Variants in AGBL4 observed in about 807,000 individuals in gnomAD.
The protein encoded by AGBL4 is cytosolic carboxypeptidase 6.
Under a neutral mutation model 66.4 loss-of-function variants are expected in AGBL4, and 58 were observed. The ratio of observed to expected loss-of-function variants is 0.87; its 90% CI spans 0.71 to 1.09. The LOEUF (loss-of-function observed/expected upper bound fraction) is 1.09. AGBL4 is among the 50% of genes least tolerant of loss of function. The pLI, the probability that AGBL4 is intolerant of heterozygous loss-of-function variation, is 0.00. For synonymous variants in AGBL4, 234 were observed against 222.9 expected (o/e 1.05, Z -0.44); for missense variants, 579 against 631.0 (o/e 0.92, Z 0.88).
At chr1:49,735,296 G>GGTGGGTGT (rs1553254327) in intron 2 of AGBL4, among the ~76,000 whole-genome samples, 4 of 127,312 alleles carry the variant, frequency 3.1e-5, no homozygotes, top group African/African-American at 1.3e-4. Context: ...GAGGTGTGTG[G>GGTGGGTGT]GTGTGTGTGT....
chr1:48,543,788 A>G (rs1292007370), intron 11 of AGBL4, among the ~76,000 whole-genome samples: 1 of 152,202 alleles, frequency 6.6e-6, no homozygotes, highest in Non-Finnish European at 1.5e-5. Context: ...CGGAGCACCT[A>G]CTATGTGCCA....
intron 3 of AGBL4, among the ~76,000 whole-genome samples, chr1:49,679,066 T>C (rs1372241019): frequency 6.6e-6 from 1 of 152,172 alleles, no homozygotes; most frequent in East Asian, 1.9e-4. Context: ...TGTGGGTTGA[T>C]GGTACTCTTA....
At chr1:49,376,380 A>C (rs1168839222) in intron 3 of AGBL4, among the ~76,000 whole-genome samples, 1 of 152,008 alleles carries the variant, frequency 6.6e-6, no homozygotes, top group Non-Finnish European at 1.5e-5. Flanking sequence ...TGGCCAATGA[A>C]AAGCACTGGT....
chr1:49,583,683 C>T (rs779773794), intron 3 of AGBL4, among the ~76,000 whole-genome samples: 38 of 151,932 alleles, frequency 2.5e-4, no homozygotes, highest in African/African-American at 5.1e-4. Flanking sequence ...TGGAAAACAG[C>T]GACACATTTG....
chr1:49,507,078 G>T (rs1352705893), intron 3 of AGBL4, among the ~76,000 whole-genome samples: 3 of 151,976 alleles, frequency 2.0e-5, no homozygotes, highest in South Asian at 2.1e-4. Flanking sequence ...CTTCCATTCT[G>T]CATTCTTGGG....
At chr1:49,732,898 G>T (rs1396519678) in intron 2 of AGBL4, among the ~76,000 whole-genome samples, 1 of 152,020 alleles carries the variant, frequency 6.6e-6, no homozygotes, top group East Asian at 1.9e-4. Flanking sequence ...TGAATCTACA[G>T]ATCCAGGATT....
intron 4 of AGBL4, among the ~76,000 whole-genome samples, chr1:49,154,058 A>G (rs908615325): frequency 6.6e-5 from 10 of 152,126 alleles, no homozygotes; most frequent in African/African-American, 1.4e-4. Context: ...TCTTTCCACT[A>G]CAATAGTGGA....
intron 11 of AGBL4, among the ~76,000 whole-genome samples, chr1:48,563,502 G>C (rs1332357909): frequency 1.3e-5 from 2 of 152,076 alleles, no homozygotes; most frequent in African/African-American, 4.8e-5. Flanking sequence ...AATGGAGTGA[G>C]GGGGTCTGAG....
At chr1:49,058,524 T>C (rs1644346166) in intron 4 of AGBL4, among the ~76,000 whole-genome samples, 1 of 152,346 alleles carries the variant, frequency 6.6e-6, no homozygotes, top group East Asian at 1.9e-4. Flanking sequence ...ACCTCTTTTA[T>C]AAATTACCCA....
intron 9 of AGBL4, among the ~76,000 whole-genome samples, chr1:48,608,914 T>A (rs1390224108): frequency 1.3e-5 from 2 of 152,198 alleles, no homozygotes; most frequent in Non-Finnish European, 2.9e-5. Context: ...TAAAAAGATT[T>A]GCATGCAATA....
chr1:49,462,242 A>G (rs191387395), intron 3 of AGBL4, among the ~76,000 whole-genome samples: 1 of 151,948 alleles, frequency 6.6e-6, no homozygotes, highest in Admixed American at 6.6e-5. Context: ...ACTGCCTGGT[A>G]GGTAGCATGT....
intron 2 of AGBL4, among the ~76,000 whole-genome samples, chr1:49,735,346 G>A (rs775190483): frequency 3.3e-4 from 49 of 150,362 alleles, no homozygotes; most frequent in Non-Finnish European, 6.7e-4. Context: ...GAGAGAGAGA[G>A]ACAGATTTTA....
chr1:49,573,334 AC>A (rs756835472), intron 3 of AGBL4, among the ~76,000 whole-genome samples: 1 of 152,084 alleles, frequency 6.6e-6, no homozygotes, highest in Non-Finnish European at 1.5e-5. Flanking sequence ...ATGGTTAGAC[AC>A]AAAAATGCTA....
intron 1 of AGBL4, among the ~76,000 whole-genome samples, chr1:49,964,562 C>T (rs887168109): frequency 1.3e-5 from 2 of 151,924 alleles, no homozygotes; most frequent in Admixed American, 6.6e-5. Context: ...ATATAAGAGT[C>T]CAACCACTCT....
chr1:49,853,627 A>C (rs1040332117), intron 1 of AGBL4, among the ~76,000 whole-genome samples: 10 of 152,080 alleles, frequency 6.6e-5, no homozygotes, highest in African/African-American at 2.4e-4. Flanking sequence ...AAAGATATTG[A>C]GGTACAAATC....
intron 8 of AGBL4, among the ~76,000 whole-genome samples, chr1:48,641,448 T>G (rs996740418): frequency 6.6e-6 from 1 of 152,114 alleles, no homozygotes; most frequent in Non-Finnish European, 1.5e-5. Flanking sequence ...TAGATCATCA[T>G]GACGAGGAGA....
intron 5 of AGBL4, among the ~76,000 whole-genome samples, chr1:48,958,060 G>A (rs532971159): frequency 5.9e-5 from 9 of 151,560 alleles, no homozygotes; most frequent in East Asian, 1.9e-4. Flanking sequence ...GGGTTTCACC[G>A]CGTTACCCAG....
At chr1:49,740,309 G>C (rs950823609) in intron 2 of AGBL4, among the ~76,000 whole-genome samples, 1 of 152,080 alleles carries the variant, frequency 6.6e-6, no homozygotes, top group Admixed American at 6.6e-5. Flanking sequence ...AAGAAGGCCA[G>C]TACATAATGG....
chr1:48,943,199 G>A lies in AGBL4; in HGVS notation c.595-75969C>T, dbSNP rs571272410. ...CTGGGGAATCCATAAGGACACCACT[G>A]ACAATGTCCCTGCCCCCATAGCGCC... On this transcript the variant is annotated intron_variant, in intron 5 of 13. Coordinates refer to ENST00000371839, the MANE Select transcript of AGBL4 (RefSeq NM_032785.4). Among the ~76,000 whole-genome samples, 11 of 152,324 alleles carry A rather than the reference G, an allele frequency of 7.2e-5. No individual in the cohort carries two copies. In the East Asian group the frequency reaches 2.1e-3, roughly 29 times the overall value.
Sources: gnomAD v4.1 joint callset for allele counts (sites outside exome capture counted in the v4.1 genomes callset) on GRCh38, gnomAD v4.1.1 for gene constraint, MANE v1.5 for transcripts, NCBI Gene and HGNC (gene_info 2026-07-23, HGNC 2026-07-21) for gene names.